The following CBFA2T3 variants were observed in gnomAD, a reference collection of about 807,000 sequenced individuals.
CBFA2T3 encodes the protein transcriptional corepressor CBFA2T3.
A neutral mutation model predicts 58.6 loss-of-function variants in CBFA2T3; 31 were observed. The observed-to-expected ratio is 0.53, with a 90% CI of 0.40 to 0.71. The LOEUF (loss-of-function observed/expected upper bound fraction) is 0.71, where lower values mean the gene tolerates loss of function less well. CBFA2T3 is among the 30% of genes least tolerant of loss of function. The probability of loss-of-function intolerance (pLI) is 0.00; values close to 1 mark genes in which losing one functional copy is unlikely to be tolerated. For synonymous variants in CBFA2T3, 531 were observed against 421.9 expected (o/e 1.26, Z -3.17); for missense variants, 1,076 against 963.1 (o/e 1.12, Z -1.55).
At chr16:88,882,653 C>G in intron 8 of CBFA2T3, 23 bp downstream of exon 8, 7 of 1,498,828 alleles carry the variant, frequency 4.7e-6, no homozygotes, top group Non-Finnish European at 6.4e-6. Context: ...GCTGTGTGGG[C>G]GTGGCTGTGT....
intron 1 of CBFA2T3, among the ~76,000 whole-genome samples, chr16:88,925,913 T>C (rs918785213): frequency 6.6e-6 from 1 of 152,240 alleles, no homozygotes. Flanking sequence ...GTTTTTACGA[T>C]GATTTTTAAA....
intron 1 of CBFA2T3, among the ~76,000 whole-genome samples, chr16:88,945,349 A>G (rs1322553161): frequency 6.6e-6 from 1 of 152,252 alleles, no homozygotes; most frequent in Non-Finnish European, 1.5e-5. Flanking sequence ...CGGCTCTGCA[A>G]AAGACACTAT....
chr16:88,894,616 C>A (rs1969813144), intron 3 of CBFA2T3, among the ~76,000 whole-genome samples: 1 of 144,740 alleles, frequency 6.9e-6, no homozygotes. Flanking sequence ...TACACACATG[C>A]ACACACACAT....
At chr16:88,878,361 C>T (rs72813586) in intron 11 of CBFA2T3, among the ~76,000 whole-genome samples, 191 of 152,374 alleles carry the variant, frequency 1.3e-3, no homozygotes, top group Non-Finnish European at 2.4e-3. Flanking sequence ...CCTCCCACCC[C>T]GGGGCTGGCC....
intron 1 of CBFA2T3, among the ~76,000 whole-genome samples, chr16:88,931,242 C>T (rs937001110): frequency 8.6e-5 from 13 of 151,996 alleles, no homozygotes; most frequent in Non-Finnish European, 1.3e-4. Flanking sequence ...AGGCAGGTAG[C>T]GGAGGCACTG....
chr16:88,976,016 G>A (rs1026031246), intron 1 of CBFA2T3, among the ~76,000 whole-genome samples: 4 of 152,242 alleles, frequency 2.6e-5, no homozygotes, highest in African/African-American at 9.6e-5. Context: ...AGCGTCCGGG[G>A]ATCCTTGTCC....
chr16:88,914,074 T>C (rs1312736450), intron 1 of CBFA2T3, among the ~76,000 whole-genome samples: 1 of 152,078 alleles, frequency 6.6e-6, no homozygotes, highest in Non-Finnish European at 1.5e-5. Flanking sequence ...TGGAATACAA[T>C]ACAGCAAGGA....
At chr16:88,891,235 C>T (rs1425924507) in intron 5 of CBFA2T3, among the ~76,000 whole-genome samples, 1 of 152,154 alleles carries the variant, frequency 6.6e-6, no homozygotes, top group Non-Finnish European at 1.5e-5. Context: ...GACCCCTCTG[C>T]TGTTCCTCAA....
chr16:88,926,727 G>A (rs907081871), intron 1 of CBFA2T3, among the ~76,000 whole-genome samples: 3 of 152,218 alleles, frequency 2.0e-5, no homozygotes, highest in African/African-American at 4.8e-5. Context: ...CAGTTTCCTC[G>A]GCTGTAAGAC....
intron 1 of CBFA2T3, among the ~76,000 whole-genome samples, chr16:88,931,748 G>A (rs1971312741): frequency 1.3e-5 from 2 of 152,190 alleles, no homozygotes; most frequent in African/African-American, 4.8e-5. Flanking sequence ...TCCTGGGGCA[G>A]CATGGTCCCT....
intron 1 of CBFA2T3, among the ~76,000 whole-genome samples, chr16:88,968,221 GCAGGA>G (rs1972562196): frequency 6.6e-6 from 1 of 152,208 alleles, no homozygotes. Context: ...GGCCCTGGCC[GCAGGA>G]CTGCCCGTCC....
At chr16:88,881,618 G>A in intron 8 of CBFA2T3, 129 bp from the exon 9 acceptor site, 2 of 941,094 alleles carry the variant, frequency 2.1e-6, no homozygotes, top group East Asian at 2.6e-5. Context: ...TGAGAGTAAG[G>A]GGGTGAGGGA....
intron 1 of CBFA2T3, among the ~76,000 whole-genome samples, chr16:88,924,682 C>G (rs2090223454): frequency 6.6e-6 from 1 of 152,226 alleles, no homozygotes; most frequent in Non-Finnish European, 1.5e-5. Context: ...TGAGGTCACT[C>G]TCGTCAGACA....
rs570625730 is a variant in CBFA2T3 at position 88,893,459 on chromosome 16, G to A, written c.380-974C>T. 3.9e-3 allele frequency among the ~76,000 whole-genome samples: 599 copies of A among 152,298 alleles called. 1 individual carries two copies. The highest frequency in any genetic ancestry group is 0.014 in the African/African-American group (572 of 41,564). Reference sequence around the variant, plus strand: ...CAATGTCCCAGACAGGTGACTCCCAGCCATGAGCAATGCCTTCATTTGCAC... The same window carrying A: ...CAATGTCCCAGACAGGTGACTCCCAACCATGAGCAATGCCTTCATTTGCAC... On this transcript the variant is annotated intron_variant, in intron 3 of 11. Coordinates refer to ENST00000268679, the MANE Select transcript of CBFA2T3 (RefSeq NM_005187.6).
At chr16:88,959,384 G>C (rs1972306819) in intron 1 of CBFA2T3, among the ~76,000 whole-genome samples, 1 of 152,136 alleles carries the variant, frequency 6.6e-6, no homozygotes, top group Non-Finnish European at 1.5e-5. Context: ...AGAGGTGGAG[G>C]GAACACGCAT....
At chr16:88,879,536 A>G in intron 10 of CBFA2T3, 76 bp from the exon 11 acceptor site, 1 of 1,372,104 alleles carries the variant, frequency 7.3e-7, no homozygotes, top group Non-Finnish European at 1.0e-6. Context: ...ACGCGTGGCC[A>G]CAACCTGGGG....
rs553549074 is a variant in CBFA2T3 at position 88,919,218 on chromosome 16, A to G, written c.152-17562T>C. Among the ~76,000 whole-genome samples, 36 of 152,192 alleles carry G rather than the reference A, an allele frequency of 2.4e-4. No individual in the cohort carries two copies. The Middle Eastern group carries it at 0.014, about 58-fold the overall frequency. On this transcript the variant is annotated intron_variant, in intron 1 of 11. Coordinates refer to ENST00000268679, the MANE Select transcript of CBFA2T3 (RefSeq NM_005187.6). ...TTAAAAAGTTCTAAGTTGCGAGCCA[A>G]TCGGGACAAATACAGAATGTGAGGT...
intron 1 of CBFA2T3, among the ~76,000 whole-genome samples, chr16:88,910,104 C>T (rs985922351): frequency 7.9e-5 from 12 of 152,364 alleles, no homozygotes; most frequent in Non-Finnish European, 1.5e-4. Flanking sequence ...CCTAACCACA[C>T]GCACTACCCC....
chr16:88,922,891 T>C (rs12448714), intron 1 of CBFA2T3, among the ~76,000 whole-genome samples: 36,010 of 152,038 alleles, frequency 0.24, 4,936 homozygotes, highest in East Asian at 0.55. Flanking sequence ...ATAATCACGA[T>C]GAAAACATAA....
Sources: allele counts gnomAD v4.1 joint callset (sites outside exome capture counted in the v4.1 genomes callset), GRCh38; gene constraint gnomAD v4.1.1; transcripts MANE v1.5; gene names NCBI Gene and HGNC (gene_info 2026-07-23, HGNC 2026-07-21).